SHC4: variants seen among roughly 807,000 people sequenced by gnomAD.
SHC4 encodes the protein SHC-transforming protein 4.
SHC4 carries 41 observed loss-of-function variants against 69.4 expected under a neutral mutation model. That is an observed-to-expected ratio of 0.59 (90% CI 0.46 to 0.77). The LOEUF (loss-of-function observed/expected upper bound fraction) is 0.77. Among genes scored for constraint, SHC4 ranks in the 30% least tolerant of loss-of-function variants. The pLI, the probability that SHC4 is intolerant of heterozygous loss-of-function variation, is 0.00. For missense variants in SHC4, 777 were observed against 783.8 expected, an observed-to-expected ratio of 0.99 and a Z score of 0.10; for synonymous variants, 318 against 299.3, an observed-to-expected ratio of 1.06 and a Z score of -0.64.
intron 11 of SHC4, among the ~76,000 whole-genome samples, chr15:48,831,108 TAAAG>T (rs1040378189): frequency 6.6e-6 from 1 of 152,082 alleles, no homozygotes; most frequent in African/African-American, 2.4e-5. Context: ...AATAAGGATA[TAAAG>T]AAAGAAGATA....
chr15:48,899,303 G>A (rs1900276668), intron 2 of SHC4, among the ~76,000 whole-genome samples: 1 of 151,862 alleles, frequency 6.6e-6, no homozygotes, highest in African/African-American at 2.4e-5. Flanking sequence ...CCCATCTCTA[G>A]TAAAAATACA....
At chr15:48,854,505 G>A (rs1899274005) in intron 8 of SHC4, among the ~76,000 whole-genome samples, 1 of 152,098 alleles carries the variant, frequency 6.6e-6, no homozygotes, top group South Asian at 2.1e-4. Context: ...CTATCAAAAA[G>A]ACACATGCAT....
intron 2 of SHC4, among the ~76,000 whole-genome samples, chr15:48,924,457 A>T (rs1008352763): frequency 5.9e-5 from 9 of 152,224 alleles, no homozygotes; most frequent in African/African-American, 1.9e-4. Context: ...AGGGAGACCC[A>T]GACAAGGAGT....
At chr15:48,947,837 A>C (rs1431340826) in intron 1 of SHC4, 1 of 152,200 alleles carries the variant, frequency 6.6e-6, no homozygotes, top group Non-Finnish European at 1.5e-5. Flanking sequence ...TGCTATGGAG[A>C]TGCAAAGGGC....
chr15:48,963,643 G>T lies in SHC4; in HGVS notation c.-628C>A, dbSNP rs975146876. ...CTTGGAAGATCTTGTCTTGCATCCC[G>T]TTCTGGGCCACCAGCCAGGAGTACT... On this transcript the variant is annotated 5_prime_UTR_variant, in exon 1 of 12. Transcript: ENST00000332408. 6.6e-6 allele frequency among the ~76,000 whole-genome samples: 1 copy of T among 152,128 alleles called. No homozygotes were observed. Among genetic ancestry groups the T allele is most frequent in the East Asian group, 1.9e-4 (1 of 5,192 alleles).
intron 4 of SHC4, chr15:48,878,982 A>T (rs1441157058): frequency 7.2e-6 from 3 of 417,896 alleles, no homozygotes; most frequent in Non-Finnish European, 1.3e-5. Flanking sequence ...GTCCTAAAAC[A>T]CCTATGGCTT....
At chr15:48,962,393 C>G in intron 1 of SHC4, 38 bp downstream of exon 1, 1 of 1,508,012 alleles carries the variant, frequency 6.6e-7, no homozygotes, top group Admixed American at 2.3e-5. Flanking sequence ...CCCCCTTCCA[C>G]GGAAGTTCTT....
At chr15:48,826,149 A>T in intron 11 of SHC4, 23 bp from the exon 12 acceptor site, 1 of 1,595,782 alleles carries the variant, frequency 6.3e-7, no homozygotes, top group Non-Finnish European at 8.5e-7. Flanking sequence ...GTACAAATAT[A>T]TTTAGGTTAA....
In SHC4 at chr15:48,874,255, T is replaced by C. The variant is rs188704000; in HGVS notation, c.841-2113A>G. ...AAGAATTCAAAGTCTAAAAATAGACTCATGTATTTAAGAACTTTTAGTCTA... is the reference window on the plus strand; with the variant it reads ...AAGAATTCAAAGTCTAAAAATAGACCCATGTATTTAAGAACTTTTAGTCTA... On this transcript the variant is annotated intron_variant, in intron 4 of 11. Coordinates refer to ENST00000332408, the MANE Select transcript of SHC4 (RefSeq NM_203349.4). 3.1e-3 allele frequency among the ~76,000 whole-genome samples: 475 copies of C among 152,142 alleles called. 1 individual carries two copies. Among genetic ancestry groups the C allele is most frequent in the Admixed American group, 5.4e-3 (82 of 15,292 alleles).
chr15:48,921,261 A>G (rs749577694), intron 2 of SHC4, among the ~76,000 whole-genome samples: 6 of 152,176 alleles, frequency 3.9e-5, no homozygotes, highest in Non-Finnish European at 5.9e-5. Context: ...AGACCAGTCA[A>G]ATCCATAGAC....
chr15:48,900,024 G>C (rs953702729), intron 2 of SHC4, among the ~76,000 whole-genome samples: 1 of 152,190 alleles, frequency 6.6e-6, no homozygotes, highest in Non-Finnish European at 1.5e-5. Context: ...GGTTGTGTTA[G>C]TGCGTGTTAA....
chr15:48,936,048 G>T (rs934385736), intron 1 of SHC4, among the ~76,000 whole-genome samples: 1 of 152,028 alleles, frequency 6.6e-6, no homozygotes, highest in Non-Finnish European at 1.5e-5. Context: ...TTGGCTATCT[G>T]TCTCCCCTAC....
intron 8 of SHC4, among the ~76,000 whole-genome samples, chr15:48,855,737 G>A (rs1163742885): frequency 6.6e-6 from 1 of 152,090 alleles, no homozygotes; most frequent in Non-Finnish European, 1.5e-5. Context: ...TCTTCCCAGT[G>A]AAGTGAGATA....
At chr15:48,907,814 ATGTGTGTGTGTG>A (rs60841488) in intron 2 of SHC4, among the ~76,000 whole-genome samples, 1 of 144,996 alleles carries the variant, frequency 6.9e-6, no homozygotes, top group South Asian at 2.2e-4. Context: ...ATGAATGAAT[ATGTGTGTGTGTG>A]TGTGTGTGTG....
intron 10 of SHC4, among the ~76,000 whole-genome samples, chr15:48,839,894 A>C (rs1371155273): frequency 1.3e-5 from 2 of 152,204 alleles, no homozygotes; most frequent in Non-Finnish European, 2.9e-5. Flanking sequence ...TACATTACAG[A>C]ACTCCTAAAT....
At chr15:48,867,928 CAT>C (rs532260394) in intron 5 of SHC4, 59 bp from the exon 6 acceptor site, 5 of 1,433,880 alleles carry the variant, frequency 3.5e-6, no homozygotes, top group East Asian at 4.6e-5. Flanking sequence ...TTGAAAGAAA[CAT>C]ATATTTTGGA....
intron 2 of SHC4, among the ~76,000 whole-genome samples, chr15:48,902,832 C>T (rs1900340977): frequency 6.6e-6 from 1 of 152,168 alleles, no homozygotes; most frequent in Non-Finnish European, 1.5e-5. Flanking sequence ...ACTCCCTTGA[C>T]AGTTGATTTC....
intron 10 of SHC4, among the ~76,000 whole-genome samples, chr15:48,837,595 T>C (rs1233220908): frequency 3.3e-5 from 5 of 152,142 alleles, no homozygotes; most frequent in African/African-American, 1.2e-4. Context: ...ATTGCTGAAT[T>C]GATATAATCA....
At chr15:48,929,591 T>C (rs1205379849) in intron 1 of SHC4, among the ~76,000 whole-genome samples, 1 of 152,194 alleles carries the variant, frequency 6.6e-6, no homozygotes, top group Non-Finnish European at 1.5e-5. Flanking sequence ...AGAGGAGTTA[T>C]CCTGCTGGCT....
Sources: allele counts gnomAD v4.1 joint callset (sites outside exome capture counted in the v4.1 genomes callset), GRCh38; gene constraint gnomAD v4.1.1; transcripts MANE v1.5; gene names NCBI Gene and HGNC (gene_info 2026-07-23, HGNC 2026-07-21).